STK32B: variants seen among roughly 807,000 people sequenced by gnomAD.
The protein encoded by STK32B is serine/threonine kinase 32B.
A neutral mutation model predicts 52.6 loss-of-function variants in STK32B; 43 were observed. The observed-to-expected ratio is 0.82, with a 90% CI of 0.64 to 1.05. The LOEUF (loss-of-function observed/expected upper bound fraction) is 1.05. Ranked by LOEUF, STK32B falls within the 50% of genes least tolerant of loss-of-function variation. STK32B has a pLI of 0.00. For synonymous variants in STK32B, 238 were observed against 204.3 expected (o/e 1.17, Z -1.41); for missense variants, 621 against 534.6 (o/e 1.16, Z -1.59).
At chr4:5,142,029 C>T (rs186690772) in intron 2 of STK32B, among the ~76,000 whole-genome samples, 1 of 152,302 alleles carries the variant, frequency 6.6e-6, no homozygotes, top group Admixed American at 6.5e-5. Flanking sequence ...CTGAGGGAAG[C>T]ATCTTCCATC....
intron 6 of STK32B, chr4:5,438,201 T>G (rs1215519323): frequency 3.3e-6 from 3 of 909,990 alleles, no homozygotes; most frequent in African/African-American, 3.6e-5. Context: ...CCCTCAGGAC[T>G]GAGAAGAGGA....
intron 3 of STK32B, among the ~76,000 whole-genome samples, chr4:5,284,990 T>A (rs1728452766): frequency 6.6e-6 from 1 of 151,936 alleles, no homozygotes; most frequent in African/African-American, 2.4e-5. Context: ...CAGCTGTGGT[T>A]GCCCACCATT....
intron 6 of STK32B, among the ~76,000 whole-genome samples, chr4:5,426,380 T>C (rs918366343): frequency 1.3e-5 from 2 of 152,156 alleles, no homozygotes; most frequent in African/African-American, 4.8e-5. Context: ...CTGTGTGGAA[T>C]ATATGTTCAA....
At chr4:5,327,629 GT>G (rs1032922136) in intron 3 of STK32B, among the ~76,000 whole-genome samples, 4 of 152,016 alleles carry the variant, frequency 2.6e-5, no homozygotes, top group Non-Finnish European at 5.9e-5. Context: ...GTAAACTGGT[GT>G]GCTGTCATCT....
chr4:5,154,423 C>T (rs1448039195), intron 2 of STK32B, among the ~76,000 whole-genome samples: 1 of 152,134 alleles, frequency 6.6e-6, no homozygotes, highest in Non-Finnish European at 1.5e-5. Context: ...CCATGTTGGT[C>T]AGGCTGGTCT....
At chr4:5,346,855 T>G (rs981349602) in intron 4 of STK32B, among the ~76,000 whole-genome samples, 1 of 152,216 alleles carries the variant, frequency 6.6e-6, no homozygotes, top group African/African-American at 2.4e-5. Flanking sequence ...CGGTTCTTCA[T>G]GGCCGGGTAG....
chr4:5,417,690 A>T (rs1240784659), intron 6 of STK32B, among the ~76,000 whole-genome samples: 2 of 151,942 alleles, frequency 1.3e-5, no homozygotes, highest in Non-Finnish European at 2.9e-5. Context: ...AATTTTGTTA[A>T]TATCTTTATT....
chr4:5,495,030 T>C (rs1034689492), intron 11 of STK32B, among the ~76,000 whole-genome samples: 16 of 152,278 alleles, frequency 1.1e-4, no homozygotes, highest in Admixed American at 2.0e-4. Context: ...ATTTCAACTT[T>C]GGTGAATCTG....
rs370128198 is a variant in STK32B, at chr4:5,125,501, A to C, written c.53-14404A>C. On this transcript the variant is annotated intron_variant, in intron 1 of 11. Transcript: ENST00000282908. Reference sequence around the variant, plus strand: ...GAGTCATGGGGGCAGCTGCAGCAGCACCTGGTGTGGGTGGGCGTGGTGGAC... The same window carrying C: ...GAGTCATGGGGGCAGCTGCAGCAGCCCCTGGTGTGGGTGGGCGTGGTGGAC... 1.2e-4 allele frequency among the ~76,000 whole-genome samples: 18 copies of C among 152,284 alleles called. No homozygotes were observed. In the South Asian group the frequency reaches 3.5e-3, roughly 30 times the overall value.
intron 4 of STK32B, among the ~76,000 whole-genome samples, chr4:5,373,861 G>A (rs1417620239): frequency 6.6e-6 from 1 of 151,186 alleles, no homozygotes; most frequent in Admixed American, 6.6e-5. Flanking sequence ...TGTGATTTCT[G>A]CTCTATCTAC....
At chr4:5,278,032 C>T (rs1031324149) in intron 3 of STK32B, among the ~76,000 whole-genome samples, 6 of 152,174 alleles carry the variant, frequency 3.9e-5, no homozygotes, top group Non-Finnish European at 7.4e-5. Flanking sequence ...AGCAATTGAT[C>T]AAGAAGCCAC....
At chr4:5,361,635 A>G (rs1053118349) in intron 4 of STK32B, among the ~76,000 whole-genome samples, 3 of 152,372 alleles carry the variant, frequency 2.0e-5, no homozygotes, top group African/African-American at 7.2e-5. Flanking sequence ...GGCATAGGCC[A>G]TATTGCTTGG....
intron 5 of STK32B, among the ~76,000 whole-genome samples, chr4:5,416,180 C>CCCTGTCCCCTTCCTTCCTT: frequency 6.6e-6 from 1 of 152,124 alleles, no homozygotes; most frequent in East Asian, 1.9e-4. Context: ...TTTCCTTCCT[C>CCCTGTCCCCTTCCTTCCTT]CCTGTCCCCT....
At chr4:5,084,905 C>T (rs185797252) in intron 1 of STK32B, among the ~76,000 whole-genome samples, 5 of 152,288 alleles carry the variant, frequency 3.3e-5, no homozygotes, top group Admixed American at 2.0e-4. Flanking sequence ...ACAACAACTC[C>T]ATGCCCCATT....
At position 5,271,516 on chromosome 4, in the gene STK32B, A is replaced by C. The variant is rs560735998; in HGVS notation, c.261-59704A>C. ...TTTTTTGGTTCCATATGAACTTGAA[A>C]GTAGTTTTTTCCAATTCTGTGAAGA... is the stretch of plus-strand genomic sequence containing the variant. On this transcript the variant is annotated intron_variant, in intron 3 of 11. Transcript: ENST00000282908. 4.7e-5 allele frequency among the ~76,000 whole-genome samples: 7 copies of C among 149,934 alleles called. No individual in the cohort carries two copies. In the South Asian group the frequency reaches 1.5e-3, roughly 32 times the overall value.
At chr4:5,263,659 T>A (rs954800198) in intron 3 of STK32B, among the ~76,000 whole-genome samples, 2 of 152,244 alleles carry the variant, frequency 1.3e-5, no homozygotes, top group African/African-American at 4.8e-5. Context: ...ATTTTACATA[T>A]TATGATACGC....
intron 3 of STK32B, among the ~76,000 whole-genome samples, chr4:5,308,441 T>C (rs184647354): frequency 6.6e-6 from 1 of 152,054 alleles, no homozygotes; most frequent in African/African-American, 2.4e-5. Flanking sequence ...TCTACACTCT[T>C]CCGATGCCTC....
intron 4 of STK32B, among the ~76,000 whole-genome samples, chr4:5,358,446 C>T (rs1440998314): frequency 6.6e-6 from 1 of 152,138 alleles, no homozygotes; most frequent in East Asian, 1.9e-4. Context: ...AAGCTTTATT[C>T]CCGTGTTCTC....
chr4:5,034,162 T>C, the STK32B span, among the ~76,000 whole-genome samples: 1 of 152,348 alleles, frequency 6.6e-6, no homozygotes, highest in Middle Eastern at 3.4e-3. Context: ...AGCTGGAGCT[T>C]TGGACTCTTA....
Sources: gnomAD v4.1 joint callset for allele counts (sites outside exome capture counted in the v4.1 genomes callset) on GRCh38, gnomAD v4.1.1 for gene constraint, MANE v1.5 for transcripts, NCBI Gene and HGNC (gene_info 2026-07-23, HGNC 2026-07-21) for gene names.